PRTG: variants seen among roughly 807,000 people sequenced by gnomAD.
The protein encoded by PRTG is protogenin, also known as immunoglobulin superfamily, DCC subclass, member 5.
In PRTG, 67 loss-of-function variants were observed where a neutral mutation model predicts 122.5. That is an observed-to-expected ratio of 0.55 (90% confidence interval 0.45 to 0.67). PRTG has a LOEUF of 0.67. Ranked by LOEUF, PRTG falls within the 30% of genes least tolerant of loss-of-function variation. The probability of loss-of-function intolerance (pLI) is 0.00; values close to 1 mark genes in which losing one functional copy is unlikely to be tolerated. For missense variants in PRTG, 1,435 were observed against 1,415.4 expected, an observed-to-expected ratio of 1.01 and a Z score of -0.22; for synonymous variants, 554 against 501.1, an observed-to-expected ratio of 1.11 and a Z score of -1.41.
At chr15:55,698,934 T>A (rs2059647023) in intron 2 of PRTG, among the ~76,000 whole-genome samples, 1 of 152,060 alleles carries the variant, frequency 6.6e-6, no homozygotes, top group South Asian at 2.1e-4. Context: ...GCTCTTCCCC[T>A]TCTTCTCATA....
intron 17 of PRTG, among the ~76,000 whole-genome samples, chr15:55,625,885 A>G (rs975933473): frequency 6.6e-6 from 1 of 152,004 alleles, no homozygotes; most frequent in Admixed American, 6.6e-5. Flanking sequence ...GGCCTCCCCA[A>G]GTGCTGGGAT....
At chr15:55,626,594 C>CA (rs35303660) in intron 17 of PRTG, among the ~76,000 whole-genome samples, 2,336 of 134,604 alleles carry the variant, frequency 0.017, 52 homozygotes, top group African/African-American at 0.05. Flanking sequence ...ACTAAAAATA[C>CA]AAAAAAAAAA....
chr15:55,633,356 C>T (rs988876832), intron 15 of PRTG, among the ~76,000 whole-genome samples: 2 of 152,086 alleles, frequency 1.3e-5, no homozygotes, highest in African/African-American at 4.8e-5. Flanking sequence ...ACTACAGGTG[C>T]ATGCCACCAC....
In PRTG at chr15:55,622,214, TTG is replaced by T. The variant is rs1381153742; in HGVS notation, c.3094-1449_3094-1448del. Among the ~76,000 whole-genome samples the T allele has an allele frequency of 6.2e-3, 753 of 122,158 alleles. 18 individuals are homozygous for T. In the East Asian group the frequency reaches 0.14, roughly 23 times the overall value. The allele number at this position is 122,158 out of a possible 152,430, so 80.1% of individuals were successfully genotyped here. The stretch of plus-strand genomic sequence containing the variant: ...TACAATCACAGTTACATATTAGTAC[TTG>T]TTTTTTTTTTTTTTTTTTTGAGACA... On this transcript the variant is annotated intron_variant, in intron 18 of 19. Transcript: ENST00000389286.
At chr15:55,726,652 A>G (rs1469455484) in intron 2 of PRTG, among the ~76,000 whole-genome samples, 2 of 151,790 alleles carry the variant, frequency 1.3e-5, no homozygotes, top group African/African-American at 4.8e-5. Flanking sequence ...AAAAAAAAAA[A>G]AAAAATAGAT....
In PRTG at chr15:55,615,252, T is replaced by TGTTA. The variant is rs1187637381; in HGVS notation, c.*4756_*4759dup. 1 of 152,094 alleles carries TGTTA rather than the reference T, an allele frequency of 6.6e-6. No homozygotes were observed. The highest frequency in any genetic ancestry group is 2.4e-5 in the African/African-American group (1 of 41,442). 9.4% of individuals were successfully genotyped at this position (152,094 alleles called of 1,614,324 possible). A position where few individuals can be genotyped will look rare whatever the true frequency, so the allele number is the denominator to read the frequency against. ...CTTGATTTTGTCCCAGGGAGACCTG[T>TGTTA]GTTAGACTTCTGATCTGCAGAACTT... On this transcript the variant is annotated 3_prime_UTR_variant, in exon 20 of 20. Coordinates refer to ENST00000389286, the MANE Select transcript of PRTG (RefSeq NM_173814.6).
At chr15:55,735,423 A>ATTT (rs2031376929) in intron 2 of PRTG, among the ~76,000 whole-genome samples, 1 of 152,070 alleles carries the variant, frequency 6.6e-6, no homozygotes, top group South Asian at 2.1e-4. Flanking sequence ...CCTTAGCCTA[A>ATTT]AACCCTGCTT....
intron 2 of PRTG, among the ~76,000 whole-genome samples, chr15:55,719,526 T>C (rs565258179): frequency 2.4e-4 from 36 of 152,338 alleles, no homozygotes; most frequent in Admixed American, 8.5e-4. Context: ...TGTATATGCA[T>C]AGCAGTTATT....
At chr15:55,688,694 C>G (rs963120418) in intron 2 of PRTG, among the ~76,000 whole-genome samples, 7 of 152,088 alleles carry the variant, frequency 4.6e-5, no homozygotes, top group Non-Finnish European at 1.0e-4. Context: ...ATTAGCTGGG[C>G]GTTGTGGTGC....
intron 11 of PRTG, among the ~76,000 whole-genome samples, chr15:55,643,697 T>TA (rs1371838765): frequency 6.6e-6 from 1 of 152,042 alleles, no homozygotes; most frequent in Non-Finnish European, 1.5e-5. Context: ...GTGCTGGGAT[T>TA]ACAGGAATGA....
At chr15:55,675,872 A>G (rs776649669) in intron 8 of PRTG, among the ~76,000 whole-genome samples, 189 bp from the exon 9 acceptor site, 7 of 152,140 alleles carry the variant, frequency 4.6e-5, no homozygotes, top group Non-Finnish European at 8.8e-5. Flanking sequence ...ACAAATTATT[A>G]GAGGACATTT....
rs1234165643 is a variant in PRTG, at chr15:55,743,057, C to T, written c.-126G>A. 17 of 1,306,862 alleles carry T rather than the reference C, an allele frequency of 1.3e-5. No individual in the cohort carries two copies. The highest frequency in any genetic ancestry group is 3.1e-5 in the African/African-American group (2 of 64,370). The allele number at this position is 1,306,862 out of a possible 1,614,324, so 81.0% of individuals were successfully genotyped here. ...GCCTGGCTCCCCGCTCCGGCTCCGG[C>T]ACCGGCGTGGCGAGCGTCTCTGCGG... On this transcript the variant is annotated 5_prime_UTR_variant, in exon 1 of 20. Transcript: ENST00000389286.
At position 55,629,367 on chromosome 15, in the gene PRTG, ATATATATATG is replaced by A. The variant is rs1186727702; in HGVS notation, c.2624-373_2624-364del. On this transcript the variant is annotated intron_variant, in intron 15 of 19. Coordinates refer to ENST00000389286, the MANE Select transcript of PRTG (RefSeq NM_173814.6). Reference sequence around the variant, plus strand: ...CATTTTTGTTTGGCTTTGTATATATATATATATATGTGTGTGTGTGTGTGTGTGTGTGTGT... The same window carrying A: ...CATTTTTGTTTGGCTTTGTATATATATGTGTGTGTGTGTGTGTGTGTGTGT... 2.9e-3 allele frequency among the ~76,000 whole-genome samples: 382 copies of A among 130,160 alleles called. 15 individuals carry two copies. The East Asian group carries it at 0.038, about 13-fold the overall frequency. The allele number at this position is 130,160 out of a possible 152,430, so 85.4% of individuals were successfully genotyped here.
chr15:55,698,604 C>G (rs1201874733), intron 2 of PRTG, among the ~76,000 whole-genome samples: 1 of 152,136 alleles, frequency 6.6e-6, no homozygotes, highest in Non-Finnish European at 1.5e-5. Context: ...TTCATTACTT[C>G]TTCTGGGGTA....
intron 2 of PRTG, among the ~76,000 whole-genome samples, chr15:55,720,606 T>C (rs1487720690): frequency 1.3e-5 from 2 of 152,162 alleles, no homozygotes; most frequent in East Asian, 1.9e-4. Context: ...CTTTTGGTTG[T>C]CCTAGGAGTT....
intron 11 of PRTG, among the ~76,000 whole-genome samples, chr15:55,652,694 G>C (rs556603893): frequency 6.6e-6 from 1 of 152,140 alleles, no homozygotes; most frequent in Non-Finnish European, 1.5e-5. Context: ...AAAGGGAGCC[G>C]AGTGAAACGC....
chr15:55,627,187 A>G (rs1405132851), intron 16 of PRTG, 59 bp from the exon 17 acceptor site: 1 of 1,333,654 alleles, frequency 7.5e-7, no homozygotes, highest in Non-Finnish European at 1.0e-6. Context: ...TTTAATTTAT[A>G]ATTCTCAGGT....
intron 16 of PRTG, among the ~76,000 whole-genome samples, chr15:55,627,546 T>C (rs2059202606): frequency 6.7e-6 from 1 of 150,300 alleles, no homozygotes; most frequent in African/African-American, 2.5e-5. Flanking sequence ...TTCACCGTGT[T>C]AGCCAGGATG....
intron 2 of PRTG, among the ~76,000 whole-genome samples, chr15:55,732,472 A>C (rs1476693665): frequency 3.4e-5 from 5 of 149,194 alleles, no homozygotes; most frequent in African/African-American, 1.2e-4. Flanking sequence ...GGTATGAGCA[A>C]CTGCGCCTGG....
Sources: allele counts gnomAD v4.1 joint callset (sites outside exome capture counted in the v4.1 genomes callset), GRCh38; gene constraint gnomAD v4.1.1; transcripts MANE v1.5; gene names NCBI Gene and HGNC (gene_info 2026-07-23, HGNC 2026-07-21).